Variants in PDGFC observed in about 807,000 individuals in gnomAD.
The protein encoded by PDGFC is platelet-derived growth factor C.
PDGFC carries 12 observed loss-of-function variants against 35.5 expected under a neutral mutation model. The ratio of observed to expected loss-of-function variants is 0.34; its 90% CI spans 0.22 to 0.55. PDGFC has a LOEUF of 0.55. PDGFC is among the 20% of genes least tolerant of loss of function. The pLI is 0.91. For missense variants in PDGFC, 322 were observed against 412.4 expected (o/e 0.78, Z 1.90); for synonymous variants, 159 against 148.8 (o/e 1.07, Z -0.50).
Position 156,763,199 on chromosome 4 carries a change from T to C in PDGFC, c.929A>G (p.Gln310Arg), listed in dbSNP as rs964340726. 4 of 1,561,166 alleles carry C rather than the reference T, an allele frequency of 2.6e-6. No individual in the cohort carries two copies. The highest frequency in any genetic ancestry group is 1.1e-5 in the South Asian group (1 of 90,010). The change falls in exon 6 of 6, where the codon CAG becomes CGG. Residue 310 changes from glutamine to arginine, a missense_variant. This residue lies in a region of PDGFC where 202 missense variants were observed against 295.9 expected (regional missense o/e 0.68). Transcript: ENST00000502773. Reference protein sequence around the residue: ...KVTKKYHEVLQLRPKTGVRGL... With the variant: ...KVTKKYHEVLRLRPKTGVRGL... ...CCTGACACCGGTCTTTGGTCTCAAC[T>C]GAAGGACCTGAAAGGGAATAAGAGT...
At chr4:156,840,490 T>G (rs911212935) in intron 2 of PDGFC, among the ~76,000 whole-genome samples, 3 of 152,236 alleles carry the variant, frequency 2.0e-5, no homozygotes, top group African/African-American at 4.8e-5. Context: ...AGAAGTCTCC[T>G]GCAGGGGTGG....
At chr4:156,934,181 T>C (rs1288478462) in intron 1 of PDGFC, among the ~76,000 whole-genome samples, 2 of 152,194 alleles carry the variant, frequency 1.3e-5, no homozygotes, top group African/African-American at 2.4e-5. Flanking sequence ...TGTGCTAACA[T>C]CATAGAGCAT....
At chr4:156,956,331 T>C (rs1732208955) in intron 1 of PDGFC, among the ~76,000 whole-genome samples, 1 of 152,000 alleles carries the variant, frequency 6.6e-6, no homozygotes, top group South Asian at 2.1e-4. Flanking sequence ...TGGTCCTCAG[T>C]CCGATGGCAT....
At chr4:156,889,899 T>A (rs189592513) in intron 1 of PDGFC, among the ~76,000 whole-genome samples, 2 of 152,170 alleles carry the variant, frequency 1.3e-5, no homozygotes, top group African/African-American at 4.8e-5. Flanking sequence ...GCATAGTGAA[T>A]AAAAAAATGT....
chr4:156,819,816 A>T (rs1732198785), intron 2 of PDGFC, among the ~76,000 whole-genome samples: 1 of 152,224 alleles, frequency 6.6e-6, no homozygotes, highest in Non-Finnish European at 1.5e-5. Flanking sequence ...CCTCTGGTGA[A>T]TCTGGGCAGA....
rs377607257 is a variant in PDGFC at position 156,763,114 on chromosome 4, C to T, written c.1014G>A (p.Val338=). Residue 338 remains valine, a synonymous_variant, in exon 6 of 6, where the codon GTG becomes GTA. Transcript: ENST00000502773. The part of the protein sequence containing the change: ...ALEHHEECDC[V]CRGSTGG ...GCTATCCTCCTGTGCTCCCTCTGCA[C>T]ACACAGTCACACTCCTCATGGTGCT... 16 of 1,604,558 alleles carry T rather than the reference C, an allele frequency of 1.0e-5. No individual in the cohort carries two copies. The highest frequency in any genetic ancestry group is 1.4e-5 in the Non-Finnish European group (16 of 1,171,464).
intron 1 of PDGFC, among the ~76,000 whole-genome samples, chr4:156,910,403 C>T (rs1378762399): frequency 6.6e-6 from 1 of 152,084 alleles, no homozygotes; most frequent in Non-Finnish European, 1.5e-5. Flanking sequence ...CAGTATTCCA[C>T]TGCACAAAGG....
chr4:156,895,717 T>G (rs1360347261), intron 1 of PDGFC, among the ~76,000 whole-genome samples: 1 of 151,948 alleles, frequency 6.6e-6, no homozygotes, highest in East Asian at 1.9e-4. Flanking sequence ...AAAAAATCTA[T>G]GTATATGTGA....
intron 2 of PDGFC, among the ~76,000 whole-genome samples, chr4:156,818,525 T>TG (rs1470569035): frequency 5.5e-5 from 8 of 145,798 alleles, no homozygotes; most frequent in Non-Finnish European, 1.2e-4. Flanking sequence ...TGTTTTTTTT[T>TG]TTTTTTTTTT....
intron 2 of PDGFC, among the ~76,000 whole-genome samples, chr4:156,830,987 G>C (rs1728918865): frequency 6.6e-6 from 1 of 152,102 alleles, no homozygotes; most frequent in Non-Finnish European, 1.5e-5. Context: ...TTTTTTGTAT[G>C]CCTATCCCTT....
chr4:156,804,879 T>A (rs149314343), intron 3 of PDGFC, among the ~76,000 whole-genome samples: 1 of 151,100 alleles, frequency 6.6e-6, no homozygotes, highest in African/African-American at 2.4e-5. Flanking sequence ...TATGAATCAA[T>A]CAAACCTCAA....
At chr4:156,848,911 A>T (rs907682806) in intron 2 of PDGFC, among the ~76,000 whole-genome samples, 3 of 152,024 alleles carry the variant, frequency 2.0e-5, no homozygotes, top group African/African-American at 7.2e-5. Context: ...ATAATACTCC[A>T]GTGACTGCTA....
At chr4:156,826,807 C>A (rs185295542) in intron 2 of PDGFC, among the ~76,000 whole-genome samples, 27 of 152,100 alleles carry the variant, frequency 1.8e-4, no homozygotes, top group Admixed American at 1.2e-3. Flanking sequence ...AACAGCTGAC[C>A]AGCAGCATAA....
At chr4:156,845,507 G>A (rs1344067248) in intron 2 of PDGFC, among the ~76,000 whole-genome samples, 1 of 151,648 alleles carries the variant, frequency 6.6e-6, no homozygotes, top group African/African-American at 2.4e-5. Flanking sequence ...TTCTGTCGGA[G>A]CTCAGCACCT....
intron 2 of PDGFC, among the ~76,000 whole-genome samples, chr4:156,829,392 T>G (rs2111015687): frequency 6.6e-6 from 1 of 152,288 alleles, no homozygotes; most frequent in Non-Finnish European, 1.5e-5. Flanking sequence ...ACTTCATATT[T>G]TGTAGCATGA....
intron 1 of PDGFC, among the ~76,000 whole-genome samples, chr4:156,945,039 C>A (rs1731905010): frequency 1.3e-5 from 2 of 151,908 alleles, no homozygotes; most frequent in Non-Finnish European, 2.9e-5. Flanking sequence ...TTTCGAACTG[C>A]AACAATGTGC....
intron 3 of PDGFC, among the ~76,000 whole-genome samples, chr4:156,793,780 C>T (rs1382215912): frequency 1.3e-5 from 2 of 151,326 alleles, no homozygotes; most frequent in East Asian, 1.9e-4. Flanking sequence ...CATAGTAATC[C>T]TCATGATAAT....
chr4:156,884,034 C>T (rs1730316835), intron 1 of PDGFC, among the ~76,000 whole-genome samples: 1 of 152,110 alleles, frequency 6.6e-6, no homozygotes. Context: ...ATTTTTAGTA[C>T]AAGAACTAAA....
intron 3 of PDGFC, among the ~76,000 whole-genome samples, chr4:156,775,982 T>C (rs929540662): frequency 6.6e-6 from 1 of 152,108 alleles, no homozygotes; most frequent in African/African-American, 2.4e-5. Context: ...GTGGTGCTTC[T>C]ATTTAAGGGC....
Sources: allele counts gnomAD v4.1 joint callset (sites outside exome capture counted in the v4.1 genomes callset), GRCh38; gene constraint gnomAD v4.1.1; regional missense constraint gnomAD v4.1.1; transcripts MANE v1.5; gene names NCBI Gene and HGNC (gene_info 2026-07-23, HGNC 2026-07-21).